DLGAP2: variants seen among roughly 807,000 people sequenced by gnomAD.
DLGAP2 encodes the protein disks large-associated protein 2.
Under a neutral mutation model 100.3 loss-of-function variants are expected in DLGAP2, and 26 were observed. The ratio of observed to expected loss-of-function variants is 0.26; its 90% confidence interval spans 0.19 to 0.36. The LOEUF (loss-of-function observed/expected upper bound fraction) is 0.36, where lower values mean the gene tolerates loss of function less well. Among genes scored for constraint, DLGAP2 ranks in the 10% least tolerant of loss-of-function variants. The pLI is 1.00. For missense variants in DLGAP2, 1,858 were observed against 1,453.2 expected, an observed-to-expected ratio of 1.28 and a Z score of -4.53; for synonymous variants, 886 against 630.1, an observed-to-expected ratio of 1.41 and a Z score of -6.08.
At chr8:1,261,949 G>C (rs1428741863) in intron 3 of DLGAP2, among the ~76,000 whole-genome samples, 1 of 152,178 alleles carries the variant, frequency 6.6e-6, no homozygotes, top group Non-Finnish European at 1.5e-5. Context: ...TGGGTGTGCA[G>C]CGCTCATTAC....
At chr8:1,113,756 G>A (rs1014335365) in intron 2 of DLGAP2, among the ~76,000 whole-genome samples, 10 of 152,004 alleles carry the variant, frequency 6.6e-5, no homozygotes, top group African/African-American at 1.7e-4. Context: ...AGTGAGAGTC[G>A]GCGTCCTTGT....
At chr8:791,525 G>T (rs1472609565) in intron 1 of DLGAP2, among the ~76,000 whole-genome samples, 1 of 152,058 alleles carries the variant, frequency 6.6e-6, no homozygotes, top group East Asian at 1.9e-4. Context: ...GTCTCAATAG[G>T]TGTATATGAA....
At chr8:1,557,731 G>A (rs1473361694) in intron 5 of DLGAP2, among the ~76,000 whole-genome samples, 5 of 152,178 alleles carry the variant, frequency 3.3e-5, no homozygotes, top group African/African-American at 9.7e-5. Context: ...GCACGCAGAC[G>A]CCGTCCTCTC....
intron 2 of DLGAP2, among the ~76,000 whole-genome samples, chr8:1,199,476 T>C (rs932396056): frequency 2.0e-5 from 3 of 152,086 alleles, no homozygotes; most frequent in Admixed American, 2.0e-4. Context: ...GAGGACACAG[T>C]AAAGGCACAG....
chr8:1,152,123 A>C (rs1419119703), intron 2 of DLGAP2, among the ~76,000 whole-genome samples: 7 of 152,180 alleles, frequency 4.6e-5, no homozygotes, highest in Non-Finnish European at 1.0e-4. Flanking sequence ...TCAAATATTT[A>C]CTGGCTATAT....
At chr8:843,222 C>T (rs1372568435) in intron 1 of DLGAP2, among the ~76,000 whole-genome samples, 2 of 152,204 alleles carry the variant, frequency 1.3e-5, no homozygotes, top group African/African-American at 4.8e-5. Context: ...GCTCTCCCTT[C>T]TGTCGTTTTC....
intron 1 of DLGAP2, among the ~76,000 whole-genome samples, chr8:854,603 A>ATG (rs1218488654): frequency 6.6e-6 from 1 of 151,848 alleles, no homozygotes; most frequent in Non-Finnish European, 1.5e-5. Flanking sequence ...ATGTGCATGC[A>ATG]TGTGTGTGCA....
intron 3 of DLGAP2, among the ~76,000 whole-genome samples, chr8:1,290,555 C>T (rs1800035567): frequency 6.6e-6 from 1 of 152,184 alleles, no homozygotes; most frequent in African/African-American, 2.4e-5. Flanking sequence ...GACAAGTCAC[C>T]CGCAGAGACC....
chr8:1,068,454 C>T (rs747029334), intron 2 of DLGAP2, among the ~76,000 whole-genome samples: 7 of 152,170 alleles, frequency 4.6e-5, no homozygotes, highest in Non-Finnish European at 5.9e-5. Flanking sequence ...TCCTCAGCGG[C>T]GCTTGAGGCT....
At chr8:923,437 G>C (rs540276520) in intron 2 of DLGAP2, among the ~76,000 whole-genome samples, 1 of 152,346 alleles carries the variant, frequency 6.6e-6, no homozygotes, top group Admixed American at 6.5e-5. Context: ...ATGCCGCTCT[G>C]ACCCTCCATT....
At chr8:922,081 C>A (rs4735959) in intron 2 of DLGAP2, among the ~76,000 whole-genome samples, 140,237 of 152,288 alleles carry the variant, frequency 0.92, 65,060 homozygotes, top group African/African-American at 0.98. Flanking sequence ...CGCCACTTTC[C>A]TGGGAGAAAC....
intron 3 of DLGAP2, among the ~76,000 whole-genome samples, chr8:1,418,238 G>C (rs1337136337): frequency 6.6e-6 from 1 of 152,184 alleles, no homozygotes; most frequent in African/African-American, 2.4e-5. Flanking sequence ...GAACATTTAA[G>C]AAATGGATAT....
chr8:1,285,206 C>T (rs940686545), intron 3 of DLGAP2, among the ~76,000 whole-genome samples: 42 of 152,164 alleles, frequency 2.8e-4, no homozygotes, highest in African/African-American at 9.7e-4. Flanking sequence ...CAATGGCTCC[C>T]ATCGTGGACT....
At chr8:953,375 G>C (rs1193700235) in intron 2 of DLGAP2, among the ~76,000 whole-genome samples, 1 of 152,006 alleles carries the variant, frequency 6.6e-6, no homozygotes, top group South Asian at 2.1e-4. Context: ...TGTATTTTTA[G>C]CAGAGACGGG....
chr8:1,110,032 C>T (rs578141577), intron 2 of DLGAP2, among the ~76,000 whole-genome samples: 18 of 123,976 alleles, frequency 1.5e-4, no homozygotes, highest in South Asian at 5.8e-4. Flanking sequence ...GAGGTGTGCA[C>T]GTGCCTATGA....
At chr8:1,488,832 G>T (rs1053284986) in intron 3 of DLGAP2, among the ~76,000 whole-genome samples, 2 of 152,164 alleles carry the variant, frequency 1.3e-5, no homozygotes, top group African/African-American at 4.8e-5. Flanking sequence ...GATCACCCCA[G>T]GCTGACTCTT....
intron 6 of DLGAP2, among the ~76,000 whole-genome samples, chr8:1,584,945 A>C (rs982251145): frequency 6.6e-6 from 1 of 152,044 alleles, no homozygotes; most frequent in Non-Finnish European, 1.5e-5. Flanking sequence ...ACTTTTTTCT[A>C]TTAGAAAAAA....
At chr8:740,208 T>G (rs1381748882) in intron 1 of DLGAP2, 2 of 152,248 alleles carry the variant, frequency 1.3e-5, no homozygotes, top group Non-Finnish European at 2.9e-5. Context: ...ACGAAGTAAT[T>G]AAAAGTAAAG....
chr8:851,402 C>T (rs558952523), intron 1 of DLGAP2, among the ~76,000 whole-genome samples: 39 of 152,268 alleles, frequency 2.6e-4, no homozygotes, highest in African/African-American at 8.7e-4. Flanking sequence ...TACCTGTGAG[C>T]GACATGTAAG....
Sources: allele counts gnomAD v4.1 joint callset (sites outside exome capture counted in the v4.1 genomes callset), GRCh38; gene constraint gnomAD v4.1.1; transcripts MANE v1.5; gene names NCBI Gene and HGNC (gene_info 2026-07-23, HGNC 2026-07-21).